The following PPP3CA variants were observed in gnomAD, a reference collection of about 807,000 sequenced individuals.
The protein encoded by PPP3CA is protein phosphatase 3 catalytic subunit alpha.
Under a neutral mutation model 66.5 loss-of-function variants are expected in PPP3CA, and 14 were observed. The ratio of observed to expected loss-of-function variants is 0.21; its 90% CI spans 0.14 to 0.33. PPP3CA has a LOEUF of 0.33. Among genes scored for constraint, PPP3CA ranks in the 10% least tolerant of loss-of-function variants. The probability of loss-of-function intolerance (pLI) is 1.00; values close to 1 mark genes in which losing one functional copy is unlikely to be tolerated. For synonymous variants in PPP3CA, 232 were observed against 226.2 expected, an observed-to-expected ratio of 1.03 and a Z score of -0.23; for missense variants, 317 against 639.5, an observed-to-expected ratio of 0.50 and a Z score of 5.44.
At chr4:101,145,280 T>C (rs1253456303) in intron 2 of PPP3CA, among the ~76,000 whole-genome samples, 1 of 152,178 alleles carries the variant, frequency 6.6e-6, no homozygotes, top group Non-Finnish European at 1.5e-5. Flanking sequence ...AACAATCCCA[T>C]TGTTGGGTAT....
intron 2 of PPP3CA, among the ~76,000 whole-genome samples, chr4:101,130,862 TA>T (rs1374022916): frequency 6.6e-6 from 1 of 152,154 alleles, no homozygotes; most frequent in East Asian, 1.9e-4. Flanking sequence ...GCTAGCATCA[TA>T]ATGACAGGAT....
At chr4:101,095,563 A>T (rs1388944353) in intron 5 of PPP3CA, among the ~76,000 whole-genome samples, 3 of 152,210 alleles carry the variant, frequency 2.0e-5, no homozygotes, top group Non-Finnish European at 4.4e-5. Flanking sequence ...GTGATATTTT[A>T]AAAAATCTAC....
intron 1 of PPP3CA, among the ~76,000 whole-genome samples, chr4:101,335,648 A>T (rs951164535): frequency 1.3e-5 from 2 of 152,200 alleles, no homozygotes; most frequent in Admixed American, 1.3e-4. Flanking sequence ...AGGCATGAGA[A>T]CTAAGAGCAT....
intron 2 of PPP3CA, among the ~76,000 whole-genome samples, chr4:101,193,789 T>TAA (rs34125255): frequency 6.6e-6 from 1 of 152,024 alleles, no homozygotes; most frequent in African/African-American, 2.4e-5. Context: ...ATTTTAACTT[T>TAA]AAAAAATGCT....
rs566181430 is a variant in PPP3CA at position 101,073,255 on chromosome 4, A to G, written c.955+7277T>C. Among the ~76,000 whole-genome samples, 1,013 of 145,404 alleles carry G rather than the reference A, an allele frequency of 7.0e-3. 12 individuals are homozygous for G. Among genetic ancestry groups the G allele is most frequent in the African/African-American group, 0.026 (967 of 37,754 alleles). ...TGTGTGTGTGTGTGTGTGTGTGTGT[A>G]TAGTGTATATACACACTTACATACT... On this transcript the variant is annotated intron_variant, in intron 8 of 13. Transcript: ENST00000394854.
chr4:101,131,176 T>A (rs1050898238), intron 2 of PPP3CA, among the ~76,000 whole-genome samples: 1 of 151,662 alleles, frequency 6.6e-6, no homozygotes, highest in Non-Finnish European at 1.5e-5. Context: ...TTGGAGGTTG[T>A]AGTGAACCAA....
intron 10 of PPP3CA, among the ~76,000 whole-genome samples, chr4:101,041,100 G>C (rs529576864): frequency 6.6e-6 from 1 of 152,208 alleles, no homozygotes; most frequent in Non-Finnish European, 1.5e-5. Context: ...GATTGTTTGA[G>C]TACTTGATAC....
At chr4:101,160,014 T>C (rs922421004) in intron 2 of PPP3CA, among the ~76,000 whole-genome samples, 2 of 152,078 alleles carry the variant, frequency 1.3e-5, no homozygotes, top group African/African-American at 4.8e-5. Context: ...AAAATATTCA[T>C]GTATGCATCA....
intron 2 of PPP3CA, among the ~76,000 whole-genome samples, chr4:101,140,470 G>A (rs1213374606): frequency 1.3e-5 from 2 of 152,162 alleles, no homozygotes; most frequent in Admixed American, 6.6e-5. Flanking sequence ...GCAGCACTTA[G>A]AAGATTAGTC....
intron 1 of PPP3CA, among the ~76,000 whole-genome samples, chr4:101,294,891 A>T (rs1236284347): frequency 6.6e-6 from 1 of 152,216 alleles, no homozygotes; most frequent in Non-Finnish European, 1.5e-5. Flanking sequence ...AAATAATTTA[A>T]ATAGTCATGG....
intron 4 of PPP3CA, 25 bp from the exon 5 acceptor site, chr4:101,098,537 C>G (rs748485528): frequency 5.1e-6 from 8 of 1,565,454 alleles, no homozygotes; most frequent in Middle Eastern, 1.7e-4. Context: ...TAAAAGAATA[C>G]TTATGATTTA....
At chr4:101,303,377 A>T (rs1015230328) in intron 1 of PPP3CA, among the ~76,000 whole-genome samples, 1 of 152,180 alleles carries the variant, frequency 6.6e-6, no homozygotes, top group Non-Finnish European at 1.5e-5. Context: ...ATATACAAAC[A>T]TATGCATTTT....
chr4:101,155,098 A>G (rs1441033406), intron 2 of PPP3CA, among the ~76,000 whole-genome samples: 3 of 152,160 alleles, frequency 2.0e-5, no homozygotes, highest in South Asian at 2.1e-4. Context: ...TACGGGCGTG[A>G]GCCAACGCGC....
intron 10 of PPP3CA, among the ~76,000 whole-genome samples, chr4:101,053,807 C>CGTCATAA (rs1728112001): frequency 6.6e-6 from 1 of 151,984 alleles, no homozygotes; most frequent in African/African-American, 2.4e-5. Flanking sequence ...GTTGATTCTA[C>CGTCATAA]GTCATAAGTC....
rs35434632 is a variant in PPP3CA at position 101,025,820 on chromosome 4, C to CAAAAAAA, written c.*38_*44dup. On this transcript the variant is annotated 3_prime_UTR_variant, in exon 14 of 14. Coordinates refer to ENST00000394854, the MANE Select transcript of PPP3CA (RefSeq NM_000944.5). ...GCAATCCCCATCATGCCCCGCAGCT[C>CAAAAAAA]AAAAAAAAAAAAAAAAAAAAAAAAA... The CAAAAAAA allele has an allele frequency of 1.7e-5, 8 of 479,398 alleles. No homozygotes were observed. The highest frequency in any genetic ancestry group is 5.6e-5 in the South Asian group (2 of 35,492). The allele number at this position is 479,398 out of a possible 1,614,324, so 29.7% of individuals were successfully genotyped here. A position where few individuals can be genotyped will look rare whatever the true frequency, so the allele number is the denominator to read the frequency against.
chr4:101,050,788 GCAC>G (rs1727975196), intron 10 of PPP3CA, among the ~76,000 whole-genome samples: 1 of 152,140 alleles, frequency 6.6e-6, no homozygotes, highest in Admixed American at 6.6e-5. Context: ...ACCTGCTAAT[GCAC>G]GTAAAACAGA....
At chr4:101,048,345 C>A (rs1727857331) in intron 10 of PPP3CA, among the ~76,000 whole-genome samples, 2 of 151,794 alleles carry the variant, frequency 1.3e-5, no homozygotes, top group Admixed American at 1.3e-4. Flanking sequence ...AATATTCCAG[C>A]CTGAAGACTG....
intron 2 of PPP3CA, among the ~76,000 whole-genome samples, chr4:101,189,928 C>T (rs919772018): frequency 1.8e-4 from 27 of 151,772 alleles, no homozygotes; most frequent in African/African-American, 6.5e-4. Flanking sequence ...TCATTATAGT[C>T]CATACATGTT....
chr4:101,131,357 T>C (rs1354473561), intron 2 of PPP3CA, among the ~76,000 whole-genome samples: 2 of 150,640 alleles, frequency 1.3e-5, no homozygotes, highest in Non-Finnish European at 2.9e-5. Context: ...ACCCATCTCA[T>C]GTGCAAAGAC....
Sources: allele counts gnomAD v4.1 joint callset (sites outside exome capture counted in the v4.1 genomes callset), GRCh38; gene constraint gnomAD v4.1.1; transcripts MANE v1.5; gene names NCBI Gene and HGNC (gene_info 2026-07-23, HGNC 2026-07-21).